Variants in LIMD1 observed in about 807,000 individuals in gnomAD.
The protein encoded by LIMD1 is LIM domain-containing protein 1.
A neutral mutation model predicts 58.4 loss-of-function variants in LIMD1; 23 were observed. That is an observed-to-expected ratio of 0.39 (90% CI 0.28 to 0.56). The LOEUF is 0.56. Ranked by LOEUF, LIMD1 falls within the 20% of genes least tolerant of loss-of-function variation. The probability of loss-of-function intolerance (pLI) is 0.57; values close to 1 mark genes in which losing one functional copy is unlikely to be tolerated. For missense variants in LIMD1, 838 were observed against 855.5 expected, an observed-to-expected ratio of 0.98 and a Z score of 0.25; for synonymous variants, 334 against 345.5, an observed-to-expected ratio of 0.97 and a Z score of 0.37.
chr3:45,633,689 C>T (rs1291547698), intron 1 of LIMD1, among the ~76,000 whole-genome samples: 1 of 152,208 alleles, frequency 6.6e-6, no homozygotes, highest in East Asian at 1.9e-4. Context: ...CTTGAGCTTT[C>T]TATAAATGAA....
chr3:45,672,952 T>C (rs1207996638), intron 5 of LIMD1, 132 bp downstream of exon 5: 2 of 1,050,742 alleles, frequency 1.9e-6, no homozygotes, highest in African/African-American at 1.6e-5. Flanking sequence ...GGCTTAATGG[T>C]TTTGAGGGGT....
At chr3:45,668,387 A>G in intron 4 of LIMD1, 31 bp downstream of exon 4, 4 of 1,540,326 alleles carry the variant, frequency 2.6e-6, no homozygotes, top group Non-Finnish European at 3.6e-6. Context: ...AGAGAACAGC[A>G]TCTCAGGTGG....
intron 1 of LIMD1, among the ~76,000 whole-genome samples, chr3:45,599,057 C>G (rs551563900): frequency 6.6e-6 from 1 of 152,288 alleles, no homozygotes; most frequent in African/African-American, 2.4e-5. Context: ...CAGTTCAGTT[C>G]AGCCTCAGGG....
chr3:45,614,024 T>TA (rs1186214337), intron 1 of LIMD1, among the ~76,000 whole-genome samples: 1 of 152,170 alleles, frequency 6.6e-6, no homozygotes, highest in African/African-American at 2.4e-5. Context: ...TGTTGCTTTC[T>TA]AAGCCACCTG....
chr3:45,648,231 C>T (rs1287899230), intron 2 of LIMD1, among the ~76,000 whole-genome samples: 2 of 152,180 alleles, frequency 1.3e-5, no homozygotes, highest in Non-Finnish European at 2.9e-5. Context: ...TTACCTGGTA[C>T]TCATCACTTC....
In LIMD1 at chr3:45,681,589, G is replaced by T. The variant is rs1697742931; in HGVS notation, c.*4530G>T. ...CCAGGTGAGACCTGCACACGCAGTG[G>T]GCTGCATTACAAGAGGAACCCCCAT... On this transcript the variant is annotated 3_prime_UTR_variant, in exon 8 of 8. Coordinates refer to ENST00000273317, the MANE Select transcript of LIMD1 (RefSeq NM_014240.3). The T allele has an allele frequency of 6.6e-6, 1 of 152,228 alleles. No individual in the cohort carries two copies. Among genetic ancestry groups the T allele is most frequent in the Non-Finnish European group, 1.5e-5 (1 of 68,052 alleles). The allele number at this position is 152,228 out of a possible 1,614,324, so 9.4% of individuals were successfully genotyped here. A position where few individuals can be genotyped will look rare whatever the true frequency, so the allele number is the denominator to read the frequency against.
chr3:45,622,030 T>C lies in LIMD1; in HGVS notation c.1409-14120T>C, dbSNP rs976974334. 2.0e-5 allele frequency among the ~76,000 whole-genome samples: 3 copies of C among 147,644 alleles called. No individual in the cohort carries two copies. In the Admixed American group the frequency reaches 2.1e-4, roughly 10 times the overall value. Reference sequence around the variant, plus strand: ...GTGAGCCGAGATCACACCACTGTACTCCAGTCTGGCGACAGAGCGAGACTC... The same window carrying C: ...GTGAGCCGAGATCACACCACTGTACCCCAGTCTGGCGACAGAGCGAGACTC... On this transcript the variant is annotated intron_variant, in intron 1 of 7. Coordinates refer to ENST00000273317, the MANE Select transcript of LIMD1 (RefSeq NM_014240.3).
chr3:45,657,024 T>C (rs983840499), intron 2 of LIMD1, among the ~76,000 whole-genome samples: 6 of 152,154 alleles, frequency 3.9e-5, no homozygotes, highest in African/African-American at 1.4e-4. Flanking sequence ...CTGCTCTTGA[T>C]TGGAACTTTC....
chr3:45,649,436 CT>C (rs1221768761), intron 2 of LIMD1, among the ~76,000 whole-genome samples: 1 of 151,626 alleles, frequency 6.6e-6, no homozygotes, highest in Non-Finnish European at 1.5e-5. Context: ...AATCCCAGCA[CT>C]TTGGGAGGCC....
chr3:45,618,902 C>T (rs1346064136), intron 1 of LIMD1, among the ~76,000 whole-genome samples: 4 of 152,262 alleles, frequency 2.6e-5, no homozygotes, highest in East Asian at 1.9e-4. Context: ...AGAGTGGACC[C>T]GAATTCTGGG....
intron 1 of LIMD1, among the ~76,000 whole-genome samples, chr3:45,627,640 A>G (rs1339646685): frequency 6.6e-6 from 1 of 151,612 alleles, no homozygotes; most frequent in Non-Finnish European, 1.5e-5. Context: ...TATAAAATAT[A>G]AAATGAAAAA....
chr3:45,651,883 C>T (rs1416241797), intron 2 of LIMD1, among the ~76,000 whole-genome samples: 7 of 151,556 alleles, frequency 4.6e-5, no homozygotes, highest in East Asian at 2.0e-4. Flanking sequence ...CCACCTGCCT[C>T]GGCCTCCCAA....
At chr3:45,607,921 T>C (rs1701483995) in intron 1 of LIMD1, among the ~76,000 whole-genome samples, 1 of 152,222 alleles carries the variant, frequency 6.6e-6, no homozygotes, top group South Asian at 2.1e-4. Context: ...GCTCGCGTGA[T>C]GGTTAGGGCT....
chr3:45,606,939 A>G (rs1701473185), intron 1 of LIMD1, among the ~76,000 whole-genome samples: 1 of 152,174 alleles, frequency 6.6e-6, no homozygotes, highest in Admixed American at 6.5e-5. Flanking sequence ...GATTACAGGC[A>G]CACTCCACCT....
intron 2 of LIMD1, among the ~76,000 whole-genome samples, chr3:45,637,657 G>A (rs1701802362): frequency 6.6e-6 from 1 of 152,174 alleles, no homozygotes; most frequent in African/African-American, 2.4e-5. Flanking sequence ...TTGGTTTGGG[G>A]ATCCTCATTT....
intron 1 of LIMD1, among the ~76,000 whole-genome samples, chr3:45,611,215 A>G (rs1398293562): frequency 2.0e-5 from 3 of 152,262 alleles, no homozygotes; most frequent in East Asian, 3.9e-4. Flanking sequence ...CAAAAAGATC[A>G]TCATTTGTTC....
chr3:45,649,047 A>G (rs1701935741), intron 2 of LIMD1, among the ~76,000 whole-genome samples: 1 of 152,216 alleles, frequency 6.6e-6, no homozygotes, highest in Non-Finnish European at 1.5e-5. Context: ...ATTTTGATGC[A>G]GTAGAATTTA....
At chr3:45,664,474 CAG>C (rs1697485615) in intron 2 of LIMD1, among the ~76,000 whole-genome samples, 1 of 152,156 alleles carries the variant, frequency 6.6e-6, no homozygotes, top group African/African-American at 2.4e-5. Flanking sequence ...AGCATATACT[CAG>C]AGTATTAAAA....
chr3:45,596,028 C>T lies in LIMD1; in HGVS notation c.1149C>T (p.Leu383=). The T allele has an allele frequency of 6.2e-7, 1 of 1,614,234 alleles. No individual in the cohort carries two copies. Residue 383 remains leucine, a synonymous_variant, in exon 1 of 8, where the codon CTC becomes CTT. Transcript: ENST00000273317. The part of the protein sequence containing the change: ...GCTDLGTGPK[L]SPTSLVHPVM... ...CAGACCTTGGCACTGGTCCCAAGCT[C>T]AGCCCCACCAGTCTTGTCCATCCAG...
Sources: gnomAD v4.1 joint callset for allele counts (sites outside exome capture counted in the v4.1 genomes callset) on GRCh38, gnomAD v4.1.1 for gene constraint, MANE v1.5 for transcripts, NCBI Gene and HGNC (gene_info 2026-07-23, HGNC 2026-07-21) for gene names.